The following BTBD8 variants were observed in gnomAD, a reference collection of about 807,000 sequenced individuals.
BTBD8 encodes BTB/POZ domain-containing protein 8.
A neutral mutation model predicts 162.9 loss-of-function variants in BTBD8; 110 were observed. The ratio of observed to expected loss-of-function variants is 0.68; its 90% CI spans 0.58 to 0.79. BTBD8 has a LOEUF of 0.79. Ranked by LOEUF, BTBD8 falls within the 30% of genes least tolerant of loss-of-function variation. BTBD8 has a pLI of 0.00. For synonymous variants in BTBD8, 667 were observed against 716.1 expected (o/e 0.93, Z 1.10); for missense variants, 1,905 against 2,085.4 (o/e 0.91, Z 1.68).
intron 5 of BTBD8, among the ~76,000 whole-genome samples, chr1:92,130,363 C>A (rs1649482954): frequency 1.3e-5 from 2 of 151,852 alleles, no homozygotes; most frequent in African/African-American, 4.8e-5. Flanking sequence ...TTAAATTTTT[C>A]TTTTATTTTT....
At position 92,093,187 on chromosome 1, in the gene BTBD8, AT is replaced by A. The variant is rs5776134; in HGVS notation, c.347+4313del. Among the ~76,000 whole-genome samples, 711 of 119,840 alleles carry A rather than the reference AT, an allele frequency of 5.9e-3. 2 individuals carry two copies. Among genetic ancestry groups the A allele is most frequent in the African/African-American group, 0.02 (621 of 31,056 alleles). 78.6% of individuals were successfully genotyped at this position (119,840 alleles called of 152,430 possible). On this transcript the variant is annotated intron_variant, in intron 2 of 17. Transcript: ENST00000636805. The stretch of plus-strand genomic sequence containing the variant: ...GCTCATCATTGAGTTTGAAATACCA[AT>A]TTTTTTTTTTTTTTTTTTTTGAGAC...
At chr1:92,098,275 C>T (rs1323367922) in intron 2 of BTBD8, among the ~76,000 whole-genome samples, 1 of 152,158 alleles carries the variant, frequency 6.6e-6, no homozygotes, top group Non-Finnish European at 1.5e-5. Context: ...TGCTATGTTA[C>T]CTATTTTCCC....
rs977090265 is a variant in BTBD8 at position 92,184,488 on chromosome 1, A to T, written c.*158A>T. ...TAGTTTATTTATTAATATATCACATATAGAAAAATGTTTTTCTAAAGTTTT... is the reference window on the plus strand; with the variant it reads ...TAGTTTATTTATTAATATATCACATTTAGAAAAATGTTTTTCTAAAGTTTT... On this transcript the variant is annotated 3_prime_UTR_variant, in exon 18 of 18. Transcript: ENST00000636805. 4.3e-6 allele frequency: 2 copies of T among 460,892 alleles called. No homozygotes were observed. Among genetic ancestry groups the T allele is most frequent in the Non-Finnish European group, 3.8e-6 (1 of 266,478 alleles). 28.6% of individuals were successfully genotyped at this position (460,892 alleles called of 1,614,324 possible).
At chr1:92,183,561 T>C (rs1041334003) in intron 17 of BTBD8, among the ~76,000 whole-genome samples, 4 of 152,080 alleles carry the variant, frequency 2.6e-5, no homozygotes, top group African/African-American at 9.7e-5. Flanking sequence ...GAATTAGATA[T>C]ATGTGCACAT....
In BTBD8 at chr1:92,184,027, T is replaced by C; in HGVS notation, c.5076T>C (p.His1692=). The C allele has an allele frequency of 6.4e-7, 1 of 1,551,576 alleles. No individual in the cohort carries two copies. The highest frequency in any genetic ancestry group is 8.7e-7 in the Non-Finnish European group (1 of 1,146,880). ...ATATGGATTTTGAAGATGACCAACATTTTGCAAAACAAGATTGGACACTAC... is the reference window on the plus strand; with the variant it reads ...ATATGGATTTTGAAGATGACCAACACTTTGCAAAACAAGATTGGACACTAC... ...VTDMDFEDDQ[H]FAKQDWTLLK... Residue 1692 remains histidine, a synonymous_variant, in exon 18 of 18, where the codon CAT becomes CAC. Coordinates refer to ENST00000636805, the MANE Select transcript of BTBD8 (RefSeq NM_001376131.1).
intron 17 of BTBD8, among the ~76,000 whole-genome samples, chr1:92,183,102 C>A (rs1650967387): frequency 6.6e-6 from 1 of 151,864 alleles, no homozygotes; most frequent in South Asian, 2.1e-4. Flanking sequence ...TCTGTCTATT[C>A]TAAAGTTTTC....
intron 17 of BTBD8, 86 bp from the exon 18 acceptor site, chr1:92,183,778 A>G (rs569593): frequency 0.68 from 365,895 of 537,338 alleles, 132,233 homozygotes; most frequent in East Asian, 0.96. Context: ...TTTGACTATC[A>G]CTGTTATATT....
chr1:92,080,409 C>G lies in BTBD8; in HGVS notation c.-163C>G. 3 of 1,058,966 alleles carry G rather than the reference C, an allele frequency of 2.8e-6. No homozygotes were observed. Among genetic ancestry groups the G allele is most frequent in the Non-Finnish European group, 3.9e-6 (3 of 760,128 alleles). 65.6% of individuals were successfully genotyped at this position (1,058,966 alleles called of 1,614,324 possible). A position where few individuals can be genotyped will look rare whatever the true frequency, so the allele number is the denominator to read the frequency against. ...GGCTCCCCACCGCGGTCCGGCTTCTCTGGGAGACTGTCTACAAACCGACGA... is the reference window on the plus strand; with the variant it reads ...GGCTCCCCACCGCGGTCCGGCTTCTGTGGGAGACTGTCTACAAACCGACGA... On this transcript the variant is annotated 5_prime_UTR_variant, in exon 1 of 18. Transcript: ENST00000636805.
At chr1:92,178,493 T>G in intron 16 of BTBD8, 42 bp downstream of exon 16, 1 of 1,479,272 alleles carries the variant, frequency 6.8e-7, no homozygotes, top group Middle Eastern at 1.7e-4. Flanking sequence ...ATTATTTCCT[T>G]GTGTAAACTG....
intron 1 of BTBD8, among the ~76,000 whole-genome samples, chr1:92,085,747 G>A (rs1648141589): frequency 6.6e-6 from 1 of 152,150 alleles, no homozygotes; most frequent in South Asian, 2.1e-4. Flanking sequence ...ATAATTTACA[G>A]GCTAGGCAGG....
rs538976736 is a variant in BTBD8, at chr1:92,120,109, C to T, written c.663-9578C>T. Among the ~76,000 whole-genome samples, 33 of 152,138 alleles carry T rather than the reference C, an allele frequency of 2.2e-4. 1 individual carries two copies. The South Asian group carries it at 6.7e-3, about 31-fold the overall frequency. On this transcript the variant is annotated intron_variant, in intron 4 of 17. Coordinates refer to ENST00000636805, the MANE Select transcript of BTBD8 (RefSeq NM_001376131.1). ...GGAGATGGGGTTTCACCATCTCTAA[C>T]TTGAACTCCTGATCTCAAGTGATCC... is the stretch of plus-strand genomic sequence containing the variant.
chr1:92,152,932 C>T (rs1208378026), intron 9 of BTBD8, among the ~76,000 whole-genome samples: 1 of 152,072 alleles, frequency 6.6e-6, no homozygotes, highest in Non-Finnish European at 1.5e-5. Flanking sequence ...TTTTAAGAAA[C>T]ACTAATTTAA....
intron 4 of BTBD8, chr1:92,115,274 G>A (rs1649002600): frequency 2.1e-6 from 1 of 470,066 alleles, no homozygotes; most frequent in Non-Finnish European, 4.1e-6. Flanking sequence ...GTGATGGCAT[G>A]GACTGTGATC....
intron 4 of BTBD8, among the ~76,000 whole-genome samples, chr1:92,122,856 C>T (rs1649254073): frequency 6.6e-6 from 1 of 152,218 alleles, no homozygotes; most frequent in Admixed American, 6.5e-5. Flanking sequence ...TGAGCCACCA[C>T]ACCCGGCCAG....
chr1:92,168,879 A>G lies in BTBD8; in HGVS notation c.1457A>G (p.Lys486Arg), dbSNP rs1650457554. The change falls in exon 12 of 18, where the codon AAG (lysine) becomes AGG (arginine). Residue 486 changes from lysine (K) to arginine (R), a missense_variant. This residue lies in a region of BTBD8 where 1,374 missense variants were observed against 1,442.7 expected (regional missense o/e 0.95). Transcript: ENST00000636805. Reference sequence around the variant, plus strand: ...GCTTGAACACAGGGTTTTACGTGCAAGATCCAGGCTCTGCGTGATAAGCTG... The same window carrying G: ...GCTTGAACACAGGGTTTTACGTGCAGGATCCAGGCTCTGCGTGATAAGCTG... Reference protein sequence around the residue: ...DSTKEMGFTCKIQALRDKLWI... With the variant: ...DSTKEMGFTCRIQALRDKLWI... The G allele has an allele frequency of 2.0e-6, 3 of 1,521,504 alleles. No individual in the cohort carries two copies. The highest frequency in any genetic ancestry group is 2.7e-6 in the Non-Finnish European group (3 of 1,124,410). 94.3% of individuals were successfully genotyped at this position (1,521,504 alleles called of 1,614,324 possible).
Position 92,180,965 on chromosome 1 carries a change from T to G in BTBD8, c.3282T>G (p.Val1094=). 6.4e-7 allele frequency: 1 copy of G among 1,551,706 alleles called. No homozygotes were observed. The highest frequency in any genetic ancestry group is 8.7e-7 in the Non-Finnish European group (1 of 1,147,004). ...GCACCACAGCCCTAAAATACATGGT[T>G]TCAAATCCAAATGAAAACTCCTTGA... ...FYSTTALKYM[V]SNPNENSLNS... Residue 1094 remains valine (V), a synonymous_variant, in exon 17 of 18, where the codon GTT becomes GTG. Coordinates refer to ENST00000636805, the MANE Select transcript of BTBD8 (RefSeq NM_001376131.1).
intron 12 of BTBD8, among the ~76,000 whole-genome samples, chr1:92,170,014 A>T (rs1201842791): frequency 2.6e-5 from 4 of 152,110 alleles, no homozygotes; most frequent in Non-Finnish European, 5.9e-5. Flanking sequence ...AATTTATGTA[A>T]TGTAAAGTAA....
At chr1:92,169,853 A>G (rs1190173269) in intron 12 of BTBD8, among the ~76,000 whole-genome samples, 3 of 152,190 alleles carry the variant, frequency 2.0e-5, no homozygotes, top group African/African-American at 7.2e-5. Context: ...GCATTACATG[A>G]TAGTGTAGCT....
Position 92,177,163 on chromosome 1 carries a change from A to C in BTBD8, c.1970A>C (p.Gln657Pro). The C allele has an allele frequency of 6.4e-7, 1 of 1,551,854 alleles. No homozygotes were observed. The highest frequency in any genetic ancestry group is 8.7e-7 in the Non-Finnish European group (1 of 1,147,036). The change falls in exon 14 of 18, where the codon CAA (glutamine) becomes CCA (proline). Residue 657 changes from glutamine (Q) to proline (P), a missense_variant. Transcript: ENST00000636805. Reference protein sequence around the residue: ...KARLENMSPRQVVERSATAAA... With the variant: ...KARLENMSPRPVVERSATAAA... ...CGGTTGGAAAACATGTCACCTAGAC[A>C]AGTTGTAGAAAGATCAGCAACAGCA...
Sources: gnomAD v4.1 joint callset for allele counts (sites outside exome capture counted in the v4.1 genomes callset) on GRCh38, gnomAD v4.1.1 for gene constraint, gnomAD v4.1.1 regional missense constraint, MANE v1.5 for transcripts, NCBI Gene and HGNC (gene_info 2026-07-23, HGNC 2026-07-21) for gene names.